Variants in B3GALT1 observed in about 807,000 individuals in gnomAD.
B3GALT1 encodes the protein beta-1,3-galactosyltransferase 1.
A neutral mutation model predicts 23.2 loss-of-function variants in B3GALT1; 10 were observed. The observed-to-expected ratio is 0.43, with a 90% CI of 0.27 to 0.73. B3GALT1 has a LOEUF of 0.73. B3GALT1 is among the 30% of genes least tolerant of loss of function. B3GALT1 has a pLI of 0.21. For missense variants in B3GALT1, 299 were observed against 405.4 expected (o/e 0.74, Z 2.25); for synonymous variants, 156 against 141.5 (o/e 1.10, Z -0.73).
intron 3 of B3GALT1, among the ~76,000 whole-genome samples, chr2:167,738,188 A>T (rs950709639): frequency 6.6e-6 from 1 of 152,232 alleles, no homozygotes; most frequent in Non-Finnish European, 1.5e-5. Context: ...GCAAGAACTG[A>T]TGAGATAACT....
At chr2:167,452,163 T>C (rs1699102587) in intron 1 of B3GALT1, among the ~76,000 whole-genome samples, 1 of 152,146 alleles carries the variant, frequency 6.6e-6, no homozygotes, top group African/African-American at 2.4e-5. Context: ...TGCCATGGCT[T>C]CTGTGCTGTG....
chr2:167,810,226 C>G (rs1688857515), intron 3 of B3GALT1, among the ~76,000 whole-genome samples: 1 of 151,096 alleles, frequency 6.6e-6, no homozygotes, highest in East Asian at 1.9e-4. Flanking sequence ...CCTTGCACTT[C>G]CTGGGTGAGG....
chr2:167,517,945 A>G (rs1007230126), intron 2 of B3GALT1, among the ~76,000 whole-genome samples: 12 of 152,126 alleles, frequency 7.9e-5, no homozygotes, highest in African/African-American at 2.7e-4. Context: ...AAAACATTTT[A>G]TAGTATCAGT....
chr2:167,532,851 C>T, intron 2 of B3GALT1, among the ~76,000 whole-genome samples: 1 of 139,114 alleles, frequency 7.2e-6, no homozygotes, highest in African/African-American at 2.8e-5. Context: ...AGTTTTACTG[C>T]ATCTTTTTTT....
intron 3 of B3GALT1, among the ~76,000 whole-genome samples, chr2:167,667,379 T>A (rs990067075): frequency 1.3e-5 from 2 of 152,144 alleles, no homozygotes; most frequent in African/African-American, 4.8e-5. Flanking sequence ...TGGCTGCCCT[T>A]AACATTTTTT....
chr2:167,803,807 G>C (rs1032988365), intron 3 of B3GALT1, among the ~76,000 whole-genome samples: 1 of 151,670 alleles, frequency 6.6e-6, no homozygotes. Context: ...TCACACTCTC[G>C]TTCTGTCACA....
intron 3 of B3GALT1, among the ~76,000 whole-genome samples, chr2:167,704,915 C>CA (rs1449768047): frequency 4.6e-5 from 7 of 151,922 alleles, no homozygotes; most frequent in Non-Finnish European, 8.8e-5. Context: ...ATTTTATCAT[C>CA]ACTATGATAA....
At chr2:167,446,559 G>C (rs992286294) in intron 1 of B3GALT1, among the ~76,000 whole-genome samples, 2 of 152,028 alleles carry the variant, frequency 1.3e-5, no homozygotes, top group Admixed American at 1.3e-4. Context: ...GGCTTTGTTC[G>C]TTTCTTTTTA....
rs150567948 is a variant in B3GALT1, at chr2:167,495,512, T to C, written c.-410+5235T>C. On this transcript the variant is annotated intron_variant, in intron 2 of 4. Coordinates refer to ENST00000392690, the MANE Select transcript of B3GALT1 (RefSeq NM_020981.4). ...CCACGCCAGGGTAATTTTGTATTTT[T>C]AGTAGAGACAGGGTTTCTCCATGTT... Among the ~76,000 whole-genome samples the C allele has an allele frequency of 3.7e-4, 56 of 152,204 alleles. 1 individual carries two copies. The East Asian group carries it at 0.011, about 29-fold the overall frequency.
chr2:167,834,490 G>C (rs1416525851), intron 4 of B3GALT1, among the ~76,000 whole-genome samples: 1 of 152,186 alleles, frequency 6.6e-6, no homozygotes, highest in African/African-American at 2.4e-5. Context: ...TCTCCTAATA[G>C]AGACTTCAGT....
intron 1 of B3GALT1, among the ~76,000 whole-genome samples, chr2:167,473,870 C>T (rs183043982): frequency 2.0e-5 from 3 of 152,212 alleles, no homozygotes; most frequent in South Asian, 2.1e-4. Context: ...ACTTAAATGT[C>T]GTAGAGTAGC....
intron 1 of B3GALT1, among the ~76,000 whole-genome samples, chr2:167,306,062 T>C (rs113483412): frequency 2.8e-4 from 42 of 152,164 alleles, no homozygotes; most frequent in African/African-American, 9.9e-4. Flanking sequence ...ATTCTTACTG[T>C]CTAATGCATT....
chr2:167,733,197 T>C (rs1687434551), intron 3 of B3GALT1, among the ~76,000 whole-genome samples: 6 of 152,150 alleles, frequency 3.9e-5, no homozygotes, highest in Admixed American at 3.9e-4. Flanking sequence ...TATGGATACC[T>C]TAACATTCTC....
At chr2:167,313,295 G>C (rs1240905866) in intron 1 of B3GALT1, among the ~76,000 whole-genome samples, 1 of 152,110 alleles carries the variant, frequency 6.6e-6, no homozygotes, top group Non-Finnish European at 1.5e-5. Flanking sequence ...GGCATATTTT[G>C]AGATCCACAT....
At chr2:167,708,050 C>T (rs1184869265) in intron 3 of B3GALT1, among the ~76,000 whole-genome samples, 2 of 152,148 alleles carry the variant, frequency 1.3e-5, no homozygotes, top group Non-Finnish European at 2.9e-5. Flanking sequence ...TCTATTTTTA[C>T]ACTCCCATGC....
At chr2:167,665,542 C>T (rs1308623039) in intron 3 of B3GALT1, among the ~76,000 whole-genome samples, 1 of 151,304 alleles carries the variant, frequency 6.6e-6, no homozygotes, top group African/African-American at 2.4e-5. Flanking sequence ...GGAATGGTAC[C>T]AGTTCCTCCT....
chr2:167,505,723 GA>G, intron 2 of B3GALT1, among the ~76,000 whole-genome samples: 1 of 151,900 alleles, frequency 6.6e-6, no homozygotes, highest in Non-Finnish European at 1.5e-5. Flanking sequence ...ATACAACTGG[GA>G]AAAAAATCTA....
intron 3 of B3GALT1, among the ~76,000 whole-genome samples, chr2:167,784,878 C>T (rs1688314961): frequency 6.6e-6 from 1 of 152,114 alleles, no homozygotes; most frequent in Non-Finnish European, 1.5e-5. Context: ...CGAATGAGGA[C>T]TTTGAATTTT....
chr2:167,685,061 A>G (rs1411638903), intron 3 of B3GALT1, among the ~76,000 whole-genome samples: 1 of 152,242 alleles, frequency 6.6e-6, no homozygotes, highest in Non-Finnish European at 1.5e-5. Context: ...AGATTGTACA[A>G]GAGTCTAAGG....
Sources: gnomAD v4.1 joint callset for allele counts (sites outside exome capture counted in the v4.1 genomes callset) on GRCh38, gnomAD v4.1.1 for gene constraint, MANE v1.5 for transcripts, NCBI Gene and HGNC (gene_info 2026-07-23, HGNC 2026-07-21) for gene names.